SOX6: variants seen among roughly 807,000 people sequenced by gnomAD.
The protein encoded by SOX6 is transcription factor SOX-6.
SOX6 carries 11 observed loss-of-function variants against 97.8 expected under a neutral mutation model. The observed-to-expected ratio is 0.11, with a 90% CI of 0.07 to 0.19. The LOEUF is 0.19. Among genes scored for constraint, SOX6 ranks in the 10% least tolerant of loss-of-function variants. The probability of loss-of-function intolerance (pLI) is 1.00; values close to 1 mark genes in which losing one functional copy is unlikely to be tolerated. For missense variants in SOX6, 810 were observed against 1,039.5 expected, an observed-to-expected ratio of 0.78 and a Z score of 3.04; for synonymous variants, 360 against 371.4, an observed-to-expected ratio of 0.97 and a Z score of 0.35.
At chr11:16,127,041 T>C (rs1849627471) in intron 6 of SOX6, among the ~76,000 whole-genome samples, 1 of 152,106 alleles carries the variant, frequency 6.6e-6, no homozygotes, top group Admixed American at 6.6e-5. Context: ...CTGATGACAA[T>C]CCAACCTCTT....
At chr11:16,189,963 C>G (rs1565008595) in intron 4 of SOX6, among the ~76,000 whole-genome samples, 1 of 152,104 alleles carries the variant, frequency 6.6e-6, no homozygotes, top group African/African-American at 2.4e-5. Context: ...CTTCTTCCAT[C>G]TTAAACAATC....
At chr11:15,988,076 A>T (rs941432446) in intron 14 of SOX6, among the ~76,000 whole-genome samples, 1 of 152,228 alleles carries the variant, frequency 6.6e-6, no homozygotes, top group African/African-American at 2.4e-5. Context: ...CAAAACATTT[A>T]AAAAATTAAA....
At chr11:16,516,906 G>A (rs1378977243) in intron 4 of SOX6, among the ~76,000 whole-genome samples, 3 of 148,368 alleles carry the variant, frequency 2.0e-5, no homozygotes, top group Non-Finnish European at 3.0e-5. Context: ...TATCCTTGAT[G>A]AACATTGATG....
intron 3 of SOX6, among the ~76,000 whole-genome samples, chr11:16,274,001 A>G (rs1345563837): frequency 2.0e-5 from 3 of 152,150 alleles, no homozygotes; most frequent in Non-Finnish European, 4.4e-5. Flanking sequence ...AAAATAATTA[A>G]CAAAAACTGA....
intron 3 of SOX6, among the ~76,000 whole-genome samples, chr11:16,251,610 G>A (rs1239514069): frequency 6.6e-6 from 1 of 152,096 alleles, no homozygotes; most frequent in African/African-American, 2.4e-5. Context: ...CCCTCTCACA[G>A]AGATGACTCC....
rs142893687 is a variant in SOX6, at chr11:16,125,345, G to A, written c.778-13422C>T. ...TGTAAATTCTTAGTTCAGTCTCTGT[G>A]TAGGAAGTATAGGAATATTTAAAAT... On this transcript the variant is annotated intron_variant, in intron 6 of 15. Transcript: ENST00000683767. Among the ~76,000 whole-genome samples, 12 of 152,134 alleles carry A rather than the reference G, an allele frequency of 7.9e-5. No individual in the cohort carries two copies. In the East Asian group the frequency reaches 2.3e-3, roughly 29 times the overall value.
intron 1 of SOX6, among the ~76,000 whole-genome samples, chr11:16,472,581 T>A (rs1860157150): frequency 6.6e-6 from 1 of 152,028 alleles, no homozygotes; most frequent in East Asian, 1.9e-4. Flanking sequence ...AATAATAAAA[T>A]GTAAATTGAT....
chr11:16,495,388 G>A (rs1258325973), intron 4 of SOX6, among the ~76,000 whole-genome samples: 1 of 152,124 alleles, frequency 6.6e-6, no homozygotes, highest in Non-Finnish European at 1.5e-5. Context: ...CCACCAAGGG[G>A]GACTTGGGAC....
intron 1 of SOX6, among the ~76,000 whole-genome samples, chr11:16,355,766 CCTCATAGATAATAGTA>C (rs1202510390): frequency 6.6e-6 from 1 of 151,816 alleles, no homozygotes; most frequent in Non-Finnish European, 1.5e-5. Context: ...ATCTATGATT[CCTCATAGATAATAGTA>C]CTCAGGACCT....
intron 1 of SOX6, among the ~76,000 whole-genome samples, chr11:16,418,625 T>A (rs72871370): frequency 0.084 from 12,730 of 151,778 alleles, 598 homozygotes; most frequent in Non-Finnish European, 0.11. Context: ...GGACCAGCTA[T>A]CCTTAGCTCT....
chr11:16,637,794 C>A (rs1316408846), intron 3 of SOX6, among the ~76,000 whole-genome samples: 2 of 152,062 alleles, frequency 1.3e-5, no homozygotes, highest in Non-Finnish European at 2.9e-5. Context: ...TGGTCACCAT[C>A]ATTCCAGCAA....
At chr11:16,657,649 G>C (rs368574644) in intron 3 of SOX6, among the ~76,000 whole-genome samples, 3 of 152,114 alleles carry the variant, frequency 2.0e-5, no homozygotes, top group Admixed American at 2.0e-4. Context: ...GAGGTGGCTT[G>C]TTTTTTACTT....
At chr11:16,110,865 G>A (rs961294030) in intron 7 of SOX6, among the ~76,000 whole-genome samples, 8 of 152,106 alleles carry the variant, frequency 5.3e-5, no homozygotes, top group African/African-American at 1.9e-4. Context: ...AAACGCCTTT[G>A]TTCACTTTAT....
chr11:16,501,256 T>C (rs1442205541), intron 4 of SOX6, among the ~76,000 whole-genome samples: 1 of 152,204 alleles, frequency 6.6e-6, no homozygotes, highest in Non-Finnish European at 1.5e-5. Context: ...TGGCTAGCCA[T>C]ATGTAGAAAG....
chr11:16,554,533 C>G (rs1427939387), intron 4 of SOX6, among the ~76,000 whole-genome samples: 1 of 152,082 alleles, frequency 6.6e-6, no homozygotes, highest in Non-Finnish European at 1.5e-5. Flanking sequence ...AGGTTTTATT[C>G]CAAAAGCAGC....
chr11:16,095,999 A>C lies in SOX6; in HGVS notation c.1098T>G (p.Ile366Met). ...GGGHSYNHKQ[I>M]EQLYAAQLAS... ...GCATCAATGGAAGCATTCATACCTC[A>C]ATCTGTTTGTGGTTGTAAGAGTGGC... is the stretch of plus-strand genomic sequence containing the variant. The change falls in exon 9 of 16, where the codon ATT (isoleucine) becomes ATG (methionine). Residue 366 changes from isoleucine to methionine, a missense_variant. Coordinates refer to ENST00000683767, the MANE Select transcript of SOX6 (RefSeq NM_001367873.1). 1 of 1,611,280 alleles carries C rather than the reference A, an allele frequency of 6.2e-7. No homozygotes were observed. Among genetic ancestry groups the C allele is most frequent in the Non-Finnish European group, 8.5e-7 (1 of 1,178,262 alleles).
At chr11:16,585,660 C>T (rs546421107) in intron 4 of SOX6, among the ~76,000 whole-genome samples, 2 of 144,536 alleles carry the variant, frequency 1.4e-5, no homozygotes, top group Non-Finnish European at 3.0e-5. Flanking sequence ...AAAGACTCAA[C>T]GGAGAATTTT....
chr11:16,662,432 A>G (rs1293791742), intron 3 of SOX6, among the ~76,000 whole-genome samples: 1 of 152,216 alleles, frequency 6.6e-6, no homozygotes, highest in Non-Finnish European at 1.5e-5. Flanking sequence ...CTTTCAAAAC[A>G]TTCTATTTTT....
chr11:16,476,138 C>T (rs1042431049), intron 1 of SOX6, among the ~76,000 whole-genome samples: 2 of 152,112 alleles, frequency 1.3e-5, no homozygotes, highest in African/African-American at 4.8e-5. Context: ...GGCTTCTTTA[C>T]CAGCTGGTAC....
Sources: allele counts gnomAD v4.1 joint callset (sites outside exome capture counted in the v4.1 genomes callset), GRCh38; gene constraint gnomAD v4.1.1; transcripts MANE v1.5; gene names NCBI Gene and HGNC (gene_info 2026-07-23, HGNC 2026-07-21).